C10orf90: variants seen among roughly 807,000 people sequenced by gnomAD.
C10orf90 encodes the protein (E2-independent) E3 ubiquitin-conjugating enzyme FATS.
Under a neutral mutation model 62.5 loss-of-function variants are expected in C10orf90, and 56 were observed. The observed-to-expected ratio is 0.90, with a 90% CI of 0.72 to 1.12. The LOEUF (loss-of-function observed/expected upper bound fraction) is 1.12. Ranked by LOEUF, C10orf90 falls within the 50% of genes most tolerant of loss-of-function variation. C10orf90 has a pLI of 0.00. For synonymous variants in C10orf90, 386 were observed against 340.4 expected (o/e 1.13, Z -1.47); for missense variants, 970 against 880.4 (o/e 1.10, Z -1.29).
At chr10:126,526,887 C>T (rs546360073) in intron 2 of C10orf90, among the ~76,000 whole-genome samples, 26 of 152,254 alleles carry the variant, frequency 1.7e-4, no homozygotes, top group Admixed American at 5.9e-4. Context: ...TGCTATAACA[C>T]GTATCAGGAC....
At chr10:126,446,602 C>A (rs1858801553) in intron 7 of C10orf90, among the ~76,000 whole-genome samples, 1 of 152,074 alleles carries the variant, frequency 6.6e-6, no homozygotes. Context: ...GGTTCACCAC[C>A]ATTAACCTGC....
chr10:126,640,162 G>A (rs1380827795), intron 2 of C10orf90, among the ~76,000 whole-genome samples: 1 of 152,176 alleles, frequency 6.6e-6, no homozygotes, highest in African/African-American at 2.4e-5. Flanking sequence ...TTCCACCACC[G>A]CTGTGCACGG....
At chr10:126,666,505 C>A (rs923373847) in intron 1 of C10orf90, among the ~76,000 whole-genome samples, 2 of 152,010 alleles carry the variant, frequency 1.3e-5, no homozygotes, top group African/African-American at 2.4e-5. Flanking sequence ...GAGACAAGGA[C>A]CTTAAAGCAG....
intron 2 of C10orf90, among the ~76,000 whole-genome samples, chr10:126,633,032 C>T (rs543717986): frequency 6.6e-6 from 1 of 152,304 alleles, no homozygotes; most frequent in East Asian, 1.9e-4. Context: ...ATCCCATGGC[C>T]GTTCATACCC....
At chr10:126,543,335 G>A (rs1480437905) in intron 2 of C10orf90, among the ~76,000 whole-genome samples, 1 of 152,154 alleles carries the variant, frequency 6.6e-6, no homozygotes, top group Non-Finnish European at 1.5e-5. Context: ...AAACATTCCT[G>A]CCTCAAAAGG....
chr10:126,466,967 CT>C (rs1454305107), intron 4 of C10orf90, among the ~76,000 whole-genome samples: 1 of 152,232 alleles, frequency 6.6e-6, no homozygotes, highest in Admixed American at 6.5e-5. Flanking sequence ...TCATACATCA[CT>C]TTCTTTTATT....
intron 8 of C10orf90, among the ~76,000 whole-genome samples, chr10:126,427,371 T>G (rs7903455): frequency 0.031 from 4,787 of 152,272 alleles, 250 homozygotes; most frequent in African/African-American, 0.11. Context: ...CTCAATCAGC[T>G]GGCAGAGTGG....
At chr10:126,560,624 G>A (rs1315167269) in intron 2 of C10orf90, among the ~76,000 whole-genome samples, 4 of 152,150 alleles carry the variant, frequency 2.6e-5, no homozygotes, top group Non-Finnish European at 5.9e-5. Context: ...TGACGGCAGA[G>A]GAACCAAAGC....
At chr10:126,464,071 C>T (rs1564810482) in intron 5 of C10orf90, among the ~76,000 whole-genome samples, 3 of 152,144 alleles carry the variant, frequency 2.0e-5, no homozygotes, top group Non-Finnish European at 2.9e-5. Flanking sequence ...CTGACATAAC[C>T]GGGCACCACA....
intron 7 of C10orf90, among the ~76,000 whole-genome samples, chr10:126,442,985 C>CA (rs961599429): frequency 2.0e-5 from 3 of 151,956 alleles, no homozygotes; most frequent in African/African-American, 7.2e-5. Flanking sequence ...CATAACCTAT[C>CA]AAAACCTCTG....
At chr10:126,460,327 G>A (rs777854290) in intron 6 of C10orf90, among the ~76,000 whole-genome samples, 2 of 152,246 alleles carry the variant, frequency 1.3e-5, no homozygotes, top group Non-Finnish European at 2.9e-5. Context: ...CACACAGTAG[G>A]AGTCCTGCAT....
intron 4 of C10orf90, among the ~76,000 whole-genome samples, chr10:126,493,926 A>G (rs1267024874): frequency 2.0e-5 from 3 of 152,210 alleles, no homozygotes; most frequent in African/African-American, 7.2e-5. Context: ...GTGACATTCA[A>G]TGGACCACCC....
At chr10:126,527,052 T>C (rs1863971894) in intron 2 of C10orf90, among the ~76,000 whole-genome samples, 2 of 152,194 alleles carry the variant, frequency 1.3e-5, no homozygotes, top group South Asian at 2.1e-4. Flanking sequence ...GAGTGATATA[T>C]GTGTTCTATT....
At chr10:126,565,159 AT>A (rs1328799611) in intron 2 of C10orf90, among the ~76,000 whole-genome samples, 14 of 61,030 alleles carry the variant, frequency 2.3e-4, no homozygotes, top group East Asian at 6.1e-4. Context: ...ATGTAATATA[AT>A]ATTTATATTA....
chr10:126,480,532 C>T (rs1304004758), intron 4 of C10orf90, among the ~76,000 whole-genome samples: 1 of 152,226 alleles, frequency 6.6e-6, no homozygotes, highest in Non-Finnish European at 1.5e-5. Context: ...CTTTCAGGCA[C>T]ATCAGTCTCT....
intron 1 of C10orf90, among the ~76,000 whole-genome samples, chr10:126,665,550 C>T (rs1404142205): frequency 6.6e-6 from 1 of 152,178 alleles, no homozygotes; most frequent in Admixed American, 6.5e-5. Context: ...ATTGAAACCA[C>T]TCTGGGAGAC....
At chr10:126,445,805 G>GTATATATATATATATATATA (rs71029302) in intron 7 of C10orf90, among the ~76,000 whole-genome samples, 79 of 100,722 alleles carry the variant, frequency 7.8e-4, no homozygotes, top group African/African-American at 2.6e-3. Flanking sequence ...AAACTGTGGT[G>GTATATATATATATATATATA]TATATATATA....
At chr10:126,670,207 G>A (rs894929091) in intron 1 of C10orf90, 34 bp downstream of exon 1, 50 of 455,256 alleles carry the variant, frequency 1.1e-4, no homozygotes, top group Middle Eastern at 3.2e-4. Context: ...TGAGTCAAGC[G>A]TGTACCCACT....
chr10:126,577,345 A>G (rs1197449342), intron 2 of C10orf90, among the ~76,000 whole-genome samples: 1 of 151,974 alleles, frequency 6.6e-6, no homozygotes, highest in Non-Finnish European at 1.5e-5. Context: ...AGATTTCTGG[A>G]TGTAAAAGAC....
Sources: allele counts gnomAD v4.1 joint callset (sites outside exome capture counted in the v4.1 genomes callset), GRCh38; gene constraint gnomAD v4.1.1; transcripts MANE v1.5; gene names NCBI Gene and HGNC (gene_info 2026-07-23, HGNC 2026-07-21).